The following THADA variants were observed in gnomAD, a reference collection of about 807,000 sequenced individuals.
THADA encodes the protein THADA armadillo repeat containing, also known as tRNA (32-2'-O)-methyltransferase regulator THADA.
Under a neutral mutation model 219.8 loss-of-function variants are expected in THADA, and 213 were observed. That is an observed-to-expected ratio of 0.97 (90% CI 0.87 to 1.09). THADA has a LOEUF of 1.09. THADA is among the 50% of genes least tolerant of loss of function. THADA has a pLI of 0.00. For synonymous variants in THADA, 1,018 were observed against 828.9 expected, an observed-to-expected ratio of 1.23 and a Z score of -3.92; for missense variants, 2,956 against 2,311.3, an observed-to-expected ratio of 1.28 and a Z score of -5.72.
chr2:43,281,505 A>G (rs1285414418), intron 35 of THADA, among the ~76,000 whole-genome samples: 7 of 148,444 alleles, frequency 4.7e-5, no homozygotes, highest in Non-Finnish European at 4.4e-5. Flanking sequence ...GCAATGGGGC[A>G]ATCTTGGCTC....
intron 17 of THADA, among the ~76,000 whole-genome samples, chr2:43,553,082 A>G (rs1403505211): frequency 6.6e-6 from 1 of 152,224 alleles, no homozygotes; most frequent in African/African-American, 2.4e-5. Context: ...ATTCCTTCCT[A>G]TAGATGAATA....
intron 31 of THADA, among the ~76,000 whole-genome samples, chr2:43,319,467 G>T (rs1678441533): frequency 6.6e-6 from 1 of 152,096 alleles, no homozygotes; most frequent in African/African-American, 2.4e-5. Flanking sequence ...GGGTTTTGTG[G>T]GCTAATATAC....
At chr2:43,334,396 T>G (rs1279790609) in intron 30 of THADA, among the ~76,000 whole-genome samples, 1 of 152,048 alleles carries the variant, frequency 6.6e-6, no homozygotes, top group Non-Finnish European at 1.5e-5. Context: ...AGCAAGTCAT[T>G]AGGTCTGGTA....
intron 36 of THADA, among the ~76,000 whole-genome samples, chr2:43,276,325 G>A (rs1455353621): frequency 6.6e-6 from 1 of 152,184 alleles, no homozygotes; most frequent in African/African-American, 2.4e-5. Context: ...GTTGTTAACA[G>A]GCTGTGAGTT....
chr2:43,442,525 C>T (rs1336629666), intron 26 of THADA, among the ~76,000 whole-genome samples: 1 of 152,118 alleles, frequency 6.6e-6, no homozygotes. Flanking sequence ...AGACAGCATG[C>T]AAGGGAAAAG....
chr2:43,435,266 C>T (rs1447303101), intron 26 of THADA, among the ~76,000 whole-genome samples: 1 of 152,060 alleles, frequency 6.6e-6, no homozygotes, highest in Non-Finnish European at 1.5e-5. Flanking sequence ...ACCAGCCTGA[C>T]CAACATGGAG....
chr2:43,264,432 T>G (rs1480412349), intron 36 of THADA, among the ~76,000 whole-genome samples: 1 of 151,906 alleles, frequency 6.6e-6, no homozygotes, highest in African/African-American at 2.4e-5. Flanking sequence ...ATTACAGGCA[T>G]GCACTACCAC....
At chr2:43,419,889 T>C (rs907654682) in intron 28 of THADA, among the ~76,000 whole-genome samples, 2 of 152,252 alleles carry the variant, frequency 1.3e-5, no homozygotes, top group African/African-American at 4.8e-5. Flanking sequence ...CAAATACTGT[T>C]CTTTATTAAA....
At chr2:43,334,937 C>T (rs918746513) in intron 30 of THADA, among the ~76,000 whole-genome samples, 7 of 152,164 alleles carry the variant, frequency 4.6e-5, no homozygotes, top group African/African-American at 1.7e-4. Context: ...GAATCTTGGG[C>T]TGATCCCTTC....
chr2:43,577,361 C>T, intron 9 of THADA, 119 bp from the exon 10 acceptor site: 2 of 795,452 alleles, frequency 2.5e-6, no homozygotes, highest in Non-Finnish European at 4.0e-6. Context: ...TGACTAAATC[C>T]AAAGATAAAA....
chr2:43,593,630 C>G (rs1418731511), intron 1 of THADA, among the ~76,000 whole-genome samples: 1 of 127,662 alleles, frequency 7.8e-6, no homozygotes, highest in Non-Finnish European at 1.6e-5. Context: ...CTACTACAGA[C>G]TTTTTTTTTT....
At chr2:43,377,007 C>T (rs571317760) in intron 29 of THADA, among the ~76,000 whole-genome samples, 1 of 152,296 alleles carries the variant, frequency 6.6e-6, no homozygotes, top group African/African-American at 2.4e-5. Flanking sequence ...GAGTACACGG[C>T]TCACAGGCCA....
At chr2:43,266,602 C>CAAAAACA (rs1671547724) in intron 36 of THADA, among the ~76,000 whole-genome samples, 1 of 151,796 alleles carries the variant, frequency 6.6e-6, no homozygotes, top group Non-Finnish European at 1.5e-5. Context: ...GACTCCCTCT[C>CAAAAACA]AAAAACAAAA....
chr2:43,314,499 A>C (rs1178337465), intron 31 of THADA, among the ~76,000 whole-genome samples: 1 of 152,232 alleles, frequency 6.6e-6, no homozygotes, highest in Non-Finnish European at 1.5e-5. Context: ...GCATAAGAGA[A>C]ACAGAAAGTC....
At chr2:43,316,380 T>C (rs750081106) in intron 31 of THADA, among the ~76,000 whole-genome samples, 1 of 152,140 alleles carries the variant, frequency 6.6e-6, no homozygotes, top group Non-Finnish European at 1.5e-5. Flanking sequence ...GCAGGTCTGA[T>C]GAATGAAAAA....
chr2:43,514,266 A>G (rs1690876735), intron 22 of THADA, among the ~76,000 whole-genome samples: 1 of 150,248 alleles, frequency 6.7e-6, no homozygotes, highest in Non-Finnish European at 1.5e-5. Context: ...CCTGGGCAAC[A>G]TGGTGAAACA....
intron 20 of THADA, among the ~76,000 whole-genome samples, chr2:43,543,111 G>C (rs182923099): frequency 0.046 from 6,783 of 148,604 alleles, 491 homozygotes; most frequent in African/African-American, 0.16. Flanking sequence ...ACCTATGAGT[G>C]AGAATATGTG....
intron 21 of THADA, among the ~76,000 whole-genome samples, chr2:43,538,187 T>C (rs1481828197): frequency 6.6e-6 from 1 of 152,144 alleles, no homozygotes; most frequent in Non-Finnish European, 1.5e-5. Flanking sequence ...AGATAGCCCA[T>C]GAAAAGAGAA....
intron 15 of THADA, among the ~76,000 whole-genome samples, chr2:43,561,016 CAAAAAAAAAAAAA>C (rs3042329): frequency 0.012 from 1,141 of 92,378 alleles, 22 homozygotes; most frequent in African/African-American, 0.038. Context: ...GACTTGGTCT[CAAAAAAAAAAAAA>C]AAAAAAAAAG....
Sources: gnomAD v4.1 joint callset for allele counts (sites outside exome capture counted in the v4.1 genomes callset) on GRCh38, gnomAD v4.1.1 for gene constraint, MANE v1.5 for transcripts, NCBI Gene and HGNC (gene_info 2026-07-23, HGNC 2026-07-21) for gene names.